Variants in DISC1 observed in about 807,000 individuals in gnomAD.
The protein encoded by DISC1 is disrupted in schizophrenia 1 protein.
Under a neutral mutation model 84.5 loss-of-function variants are expected in DISC1, and 57 were observed. That is an observed-to-expected ratio of 0.67 (90% CI 0.55 to 0.84). The LOEUF (loss-of-function observed/expected upper bound fraction) is 0.84, where lower values mean the gene tolerates loss of function less well. Ranked by LOEUF, DISC1 falls within the 40% of genes least tolerant of loss-of-function variation. The probability of loss-of-function intolerance (pLI) is 0.00; values close to 1 mark genes in which losing one functional copy is unlikely to be tolerated. For synonymous variants in DISC1, 411 were observed against 415.2 expected (o/e 0.99, Z 0.12); for missense variants, 1,000 against 1,057.8 (o/e 0.95, Z 0.76).
chr1:231,799,673 G>C (rs2079033489), intron 7 of DISC1, among the ~76,000 whole-genome samples: 1 of 151,766 alleles, frequency 6.6e-6, no homozygotes, highest in Admixed American at 6.6e-5. Flanking sequence ...GAGGCCTGGA[G>C]AAGGCAGGAG....
Position 231,905,416 on chromosome 1 carries a change from C to G in DISC1, c.1982-53412C>G, listed in dbSNP as rs182881183. Among the ~76,000 whole-genome samples, 77 of 151,776 alleles carry G rather than the reference C, an allele frequency of 5.1e-4. 2 individuals carry two copies. The highest frequency in any genetic ancestry group is 4.8e-3 in the Admixed American group (73 of 15,254). Reference sequence around the variant, plus strand: ...GGAGGATTGCTTGAGCCTGAGAGTTCGAAACCAGCCTGGGCAAGATAGTGA... The same window carrying G: ...GGAGGATTGCTTGAGCCTGAGAGTTGGAAACCAGCCTGGGCAAGATAGTGA... On this transcript the variant is annotated intron_variant, in intron 9 of 12. Transcript: ENST00000439617.
chr1:231,958,331 C>T (rs1185498749), intron 9 of DISC1, among the ~76,000 whole-genome samples: 1 of 152,178 alleles, frequency 6.6e-6, no homozygotes, highest in African/African-American at 2.4e-5. Flanking sequence ...GGATGTTGAG[C>T]AGTTGATTTC....
At chr1:231,723,273 C>G in intron 3 of DISC1, 1 of 982,494 alleles carries the variant, frequency 1.0e-6, no homozygotes, top group Non-Finnish European at 1.2e-6. Context: ...TATGAGTAGA[C>G]TCACATGTTA....
At chr1:231,664,590 C>G (rs757036829) in intron 1 of DISC1, among the ~76,000 whole-genome samples, 12 of 152,130 alleles carry the variant, frequency 7.9e-5, no homozygotes, top group Non-Finnish European at 1.3e-4. Context: ...TGAAGATGCT[C>G]AACTGCTTTT....
intron 9 of DISC1, among the ~76,000 whole-genome samples, chr1:231,957,863 A>C (rs947637709): frequency 2.0e-5 from 3 of 152,208 alleles, no homozygotes; most frequent in Admixed American, 2.0e-4. Flanking sequence ...AAGTCTAAGA[A>C]TCCCCAGACA....
chr1:231,687,312 G>C (rs140665530), intron 1 of DISC1, among the ~76,000 whole-genome samples: 2 of 152,222 alleles, frequency 1.3e-5, no homozygotes, highest in African/African-American at 4.8e-5. Context: ...TGGACTTACA[G>C]TTCCACATGG....
intron 10 of DISC1, 34 bp downstream of exon 10, chr1:231,958,922 T>G: frequency 6.3e-7 from 1 of 1,598,810 alleles, no homozygotes; most frequent in Non-Finnish European, 8.5e-7. Flanking sequence ...TCAGACTCCG[T>G]AGCACATCTA....
At chr1:231,832,723 G>C (rs1284106369) in intron 9 of DISC1, among the ~76,000 whole-genome samples, 3 of 146,508 alleles carry the variant, frequency 2.0e-5, no homozygotes, top group Non-Finnish European at 3.0e-5. Flanking sequence ...GCTGTGGAGG[G>C]AGGTATTGAG....
chr1:231,961,694 C>T (rs1023620633), intron 10 of DISC1, among the ~76,000 whole-genome samples: 1 of 152,156 alleles, frequency 6.6e-6, no homozygotes, highest in African/African-American at 2.4e-5. Context: ...ATCCATGTTT[C>T]TGCAAAGGAC....
Position 231,811,418 on chromosome 1 carries a change from T to C in DISC1, c.1793-6911T>C, listed in dbSNP as rs576146130. ...AAGGTAGATCTTGATCTTGCTTAAC[T>C]GTGCACTTGAGCTTGCAGTTCCTTG... On this transcript the variant is annotated intron_variant, in intron 8 of 12. Coordinates refer to ENST00000439617, the MANE Select transcript of DISC1 (RefSeq NM_018662.3). Among the ~76,000 whole-genome samples the C allele has an allele frequency of 1.4e-4, 21 of 152,344 alleles. No homozygotes were observed. In the South Asian group the frequency reaches 3.7e-3, roughly 27 times the overall value.
chr1:231,994,026 C>T (rs539719146), intron 10 of DISC1, among the ~76,000 whole-genome samples: 6 of 152,232 alleles, frequency 3.9e-5, no homozygotes, highest in Non-Finnish European at 8.8e-5. Context: ...AAGTATGTTA[C>T]ACTAATGATG....
chr1:231,981,059 AC>A (rs1483741978), intron 10 of DISC1, among the ~76,000 whole-genome samples: 1 of 152,136 alleles, frequency 6.6e-6, no homozygotes, highest in African/African-American at 2.4e-5. Flanking sequence ...TAATTATCTT[AC>A]CTTAGCCTCC....
At chr1:231,714,352 G>A (rs1317900499) in intron 3 of DISC1, among the ~76,000 whole-genome samples, 1 of 152,144 alleles carries the variant, frequency 6.6e-6, no homozygotes, top group Non-Finnish European at 1.5e-5. Flanking sequence ...GGAGAAAATA[G>A]TTCTTTCAAC....
chr1:231,917,736 T>C (rs1461155810), intron 9 of DISC1, among the ~76,000 whole-genome samples: 1 of 152,210 alleles, frequency 6.6e-6, no homozygotes, highest in Non-Finnish European at 1.5e-5. Context: ...TGCCCCTCAC[T>C]GTTCTTCCCC....
chr1:231,871,780 A>G (rs1183737329), intron 9 of DISC1, among the ~76,000 whole-genome samples: 1 of 152,098 alleles, frequency 6.6e-6, no homozygotes, highest in Non-Finnish European at 1.5e-5. Flanking sequence ...TATGTGTGGC[A>G]TGTGGGGTCA....
chr1:231,706,429 G>A (rs2067108158), intron 3 of DISC1, among the ~76,000 whole-genome samples: 1 of 152,186 alleles, frequency 6.6e-6, no homozygotes, highest in South Asian at 2.1e-4. Context: ...TCCTGCACCT[G>A]TTTGTGCTCC....
chr1:231,868,333 T>G (rs2125941873), intron 9 of DISC1, among the ~76,000 whole-genome samples: 1 of 152,264 alleles, frequency 6.6e-6, no homozygotes, highest in South Asian at 2.1e-4. Flanking sequence ...ATCGTTTTCC[T>G]TTATTTTTCA....
intron 9 of DISC1, among the ~76,000 whole-genome samples, chr1:231,853,270 G>A (rs544687958): frequency 6.6e-6 from 1 of 152,274 alleles, no homozygotes; most frequent in African/African-American, 2.4e-5. Flanking sequence ...ATTTAATGTT[G>A]GGGATACGTT....
chr1:232,039,995 AT>A lies in DISC1; in HGVS notation c.*3175del, dbSNP rs376027088. On this transcript the variant is annotated 3_prime_UTR_variant, in exon 13 of 13. Coordinates refer to ENST00000439617, the MANE Select transcript of DISC1 (RefSeq NM_018662.3). ...GTTCCATCCAACTTTCTGAAATTTC[AT>A]TTTTTTTTTTGAGATGGAGTCTCTC... 121 of 146,874 alleles carry A rather than the reference AT, an allele frequency of 8.2e-4. 1 individual carries two copies. The highest frequency in any genetic ancestry group is 1.8e-3 in the African/African-American group (71 of 40,232). 9.1% of individuals were successfully genotyped at this position (146,874 alleles called of 1,614,324 possible).
Sources: gnomAD v4.1 joint callset for allele counts (sites outside exome capture counted in the v4.1 genomes callset) on GRCh38, gnomAD v4.1.1 for gene constraint, MANE v1.5 for transcripts, NCBI Gene and HGNC (gene_info 2026-07-23, HGNC 2026-07-21) for gene names.